IPP: variants seen among roughly 807,000 people sequenced by gnomAD.
IPP encodes the protein actin-binding protein IPP.
IPP carries 41 observed loss-of-function variants against 64.1 expected under a neutral mutation model. The ratio of observed to expected loss-of-function variants is 0.64; its 90% CI spans 0.50 to 0.83. The LOEUF (loss-of-function observed/expected upper bound fraction) is 0.83, where lower values mean the gene tolerates loss of function less well. IPP is among the 40% of genes least tolerant of loss of function. The probability of loss-of-function intolerance (pLI) is 0.00; values close to 1 mark genes in which losing one functional copy is unlikely to be tolerated. For synonymous variants in IPP, 214 were observed against 235.2 expected (o/e 0.91, Z 0.83); for missense variants, 649 against 703.0 (o/e 0.92, Z 0.87).
Position 45,698,892 on chromosome 1 carries a change from T to A in IPP, c.*1074A>T. On this transcript the variant is annotated 3_prime_UTR_variant, in exon 9 of 9. Coordinates refer to ENST00000396478, the MANE Select transcript of IPP (RefSeq NM_005897.3). ...AGCCACAACGCCCGGCTAATTTTTA[T>A]ATATTTTTTGGTAGAGACGGAGTCT... 1 of 332,766 alleles carries A rather than the reference T, an allele frequency of 3.0e-6. No individual in the cohort carries two copies. Among genetic ancestry groups the A allele is most frequent in the African/African-American group, 2.2e-5 (1 of 44,730 alleles). The allele number at this position is 332,766 out of a possible 1,614,324, so 20.6% of individuals were successfully genotyped here. A position where few individuals can be genotyped will look rare whatever the true frequency, so the allele number is the denominator to read the frequency against.
intron 1 of IPP, among the ~76,000 whole-genome samples, chr1:45,749,368 A>G (rs1646185002): frequency 6.6e-6 from 1 of 152,194 alleles, no homozygotes; most frequent in Non-Finnish European, 1.5e-5. Flanking sequence ...AAAGAGCACA[A>G]TTCTGTGACG....
chr1:45,698,992 G>T lies in IPP; in HGVS notation c.*974C>A. On this transcript the variant is annotated 3_prime_UTR_variant, in exon 9 of 9. Coordinates refer to ENST00000396478, the MANE Select transcript of IPP (RefSeq NM_005897.3). ...CCGTCTCACCTCGGCCTCTCAAAGT[G>T]CTGGGATTACAGGTGTGAGCCACCA... 2.1e-6 allele frequency: 2 copies of T among 960,234 alleles called. No individual in the cohort carries two copies. Among genetic ancestry groups the T allele is most frequent in the Non-Finnish European group, 2.5e-6 (2 of 806,926 alleles). The allele number at this position is 960,234 out of a possible 1,614,324, so 59.5% of individuals were successfully genotyped here. A position where few individuals can be genotyped will look rare whatever the true frequency, so the allele number is the denominator to read the frequency against.
In IPP at chr1:45,739,868, T is replaced by G. The variant is rs28683093; in HGVS notation, c.724+1033A>C. Among the ~76,000 whole-genome samples the G allele has an allele frequency of 6.2e-3, 923 of 149,496 alleles. 10 individuals carry two copies. The highest frequency in any genetic ancestry group is 0.021 in the African/African-American group (858 of 40,488). On this transcript the variant is annotated intron_variant, in intron 3 of 8. Transcript: ENST00000396478. ...ATTGATCATTCTTGGGTGTTTCTCG[T>G]AGAGGGGGATTTGGCAGGGTCATAG...
intron 2 of IPP, 52 bp downstream of exon 2, chr1:45,746,068 C>A: frequency 7.0e-7 from 1 of 1,428,638 alleles, no homozygotes; most frequent in Non-Finnish European, 9.8e-7. Context: ...CACATTAGTG[C>A]ATGAGTGATT....
intron 6 of IPP, among the ~76,000 whole-genome samples, chr1:45,718,717 G>T (rs1391749628): frequency 6.6e-6 from 1 of 152,136 alleles, no homozygotes; most frequent in Non-Finnish European, 1.5e-5. Flanking sequence ...AAAGTCATCA[G>T]AACCCAATAA....
downstream of IPP, chr1:45,694,706 A>C (rs1411982226): frequency 1.9e-6 from 1 of 519,146 alleles, no homozygotes; most frequent in Non-Finnish European, 3.4e-6. Context: ...TCCAGTTTTT[A>C]TTAGGATATT....
At position 45,700,099 on chromosome 1, in the gene IPP, C is replaced by G; in HGVS notation, c.1622G>C (p.Arg541Pro). The G allele has an allele frequency of 6.2e-7, 1 of 1,614,004 alleles. No individual in the cohort carries two copies. The highest frequency in any genetic ancestry group is 8.5e-7 in the Non-Finnish European group (1 of 1,180,008). Residue 541 changes from arginine (R) to proline (P), a missense_variant, in exon 9 of 9, where the codon CGA becomes CCA. Coordinates refer to ENST00000396478, the MANE Select transcript of IPP (RefSeq NM_005897.3). ...AGCCAAAAAATCATGGCTGGAAGATCGACCTCCAGAAACATACAGAAGACC... is the reference window on the plus strand; with the variant it reads ...AGCCAAAAAATCATGGCTGGAAGATGGACCTCCAGAAACATACAGAAGACC... ...VNGLLYVSGG[R>P]SSSHDFLAPG...
Position 45,699,572 on chromosome 1 carries a change from G to C in IPP, c.*394C>G, listed in dbSNP as rs753585169. 4.5e-5 allele frequency: 45 copies of C among 992,328 alleles called. No homozygotes were observed. Among genetic ancestry groups the C allele is most frequent in the Non-Finnish European group, 5.4e-5 (45 of 833,662 alleles). 61.5% of individuals were successfully genotyped at this position (992,328 alleles called of 1,614,324 possible). A position where few individuals can be genotyped will look rare whatever the true frequency, so the allele number is the denominator to read the frequency against. ...AGCATAAATGGCATTTCTATTATTA[G>C]TAAACCTGGCAAATCTGTGTGAGCT... On this transcript the variant is annotated 3_prime_UTR_variant, in exon 9 of 9. Coordinates refer to ENST00000396478, the MANE Select transcript of IPP (RefSeq NM_005897.3).
rs766396830 is a variant in IPP, at chr1:45,719,288, A to C, written c.1101T>G (p.Thr367=). 1.2e-6 allele frequency: 2 copies of C among 1,612,040 alleles called. No homozygotes were observed. The highest frequency in any genetic ancestry group is 1.7e-6 in the Non-Finnish European group (2 of 1,178,370). ...FDCTECYDPV[T]KQWTTVASMN... Reference sequence around the variant, plus strand: ...TCGAAGCTACAGTTGTCCACTGTTTAGTAACTGGATCATAGCATTCAGTAC... The same window carrying C: ...TCGAAGCTACAGTTGTCCACTGTTTCGTAACTGGATCATAGCATTCAGTAC... Residue 367 remains threonine, a synonymous_variant, in exon 6 of 9, where the codon ACT becomes ACG. Transcript: ENST00000396478.
At chr1:45,739,892 A>G (rs1319965045) in intron 3 of IPP, among the ~76,000 whole-genome samples, 1 of 150,218 alleles carries the variant, frequency 6.7e-6, no homozygotes, top group African/African-American at 2.5e-5. Flanking sequence ...GCAGGGTCAT[A>G]GGACAATAGT....
chr1:45,716,920 G>A lies in IPP; in HGVS notation c.1284C>T (p.Tyr428=), dbSNP rs369194546. 28 of 1,613,016 alleles carry A rather than the reference G, an allele frequency of 1.7e-5. No homozygotes were observed. In the African/African-American group the frequency reaches 2.5e-4, roughly 15 times the overall value. The change falls in exon 7 of 9, where the codon TAC becomes TAT. Residue 428 remains tyrosine, a synonymous_variant. Transcript: ENST00000396478. ...EVVGNMAVSR[Y]YFGCCEMQGL... is the part of the protein sequence containing the mutation. ...CTTGCATTTCACAGCACCCAAAGTAGTAGCGTGACACAGCCATGTTACCAA... is the reference window on the plus strand; with the variant it reads ...CTTGCATTTCACAGCACCCAAAGTAATAGCGTGACACAGCCATGTTACCAA...
Position 45,704,462 on chromosome 1 carries a change from T to C in IPP, c.1531-4272A>G, listed in dbSNP as rs1010032727. ...CATGTTGGCCAAGCTGGTCTTGAACTCCTGACCTAGCAATCCACCCGCCTC... is the reference window on the plus strand; with the variant it reads ...CATGTTGGCCAAGCTGGTCTTGAACCCCTGACCTAGCAATCCACCCGCCTC... On this transcript the variant is annotated intron_variant, in intron 8 of 8. Coordinates refer to ENST00000396478, the MANE Select transcript of IPP (RefSeq NM_005897.3). 1.1e-4 allele frequency among the ~76,000 whole-genome samples: 16 copies of C among 152,104 alleles called. 1 individual carries two copies. Among genetic ancestry groups the C allele is most frequent in the Admixed American group, 7.2e-4 (11 of 15,260 alleles).
At chr1:45,750,367 A>T (rs1646205119) in intron 1 of IPP, among the ~76,000 whole-genome samples, 1 of 152,200 alleles carries the variant, frequency 6.6e-6, no homozygotes, top group African/African-American at 2.4e-5. Flanking sequence ...CAGCCTCAGG[A>T]TTCCCCAGTT....
intron 3 of IPP, among the ~76,000 whole-genome samples, chr1:45,734,169 C>T (rs1257157078): frequency 6.6e-6 from 1 of 151,910 alleles, no homozygotes; most frequent in South Asian, 2.1e-4. Context: ...AATAAAAATG[C>T]TAATTACCTA....
At chr1:45,733,419 C>A (rs1382910420) in intron 3 of IPP, among the ~76,000 whole-genome samples, 1 of 149,028 alleles carries the variant, frequency 6.7e-6, no homozygotes, top group East Asian at 2.0e-4. Context: ...AGTAAGACTT[C>A]ATCTCAAAAA....
intron 2 of IPP, among the ~76,000 whole-genome samples, chr1:45,744,743 G>A (rs1646112319): frequency 6.6e-6 from 1 of 151,692 alleles, no homozygotes; most frequent in African/African-American, 2.4e-5. Flanking sequence ...GGAGGCTGAG[G>A]CAGGAGAATC....
rs762833850 is a variant in IPP, at chr1:45,741,170, T to C, written c.455A>G (p.His152Arg). ...IFQFSEQIAC[H>R]DLLEFSENYI... ...GTTTTCTGAGAATTCCAAGAGATCA[T>C]GGCAGGCAATTTGCTCAGAGAACTG... Residue 152 changes from histidine to arginine, a missense_variant, in exon 3 of 9, where the codon CAT becomes CGT. Transcript: ENST00000396478. 5.6e-6 allele frequency: 9 copies of C among 1,614,198 alleles called. No individual in the cohort carries two copies. The highest frequency in any genetic ancestry group is 3.3e-5 in the Admixed American group (2 of 60,026).
chr1:45,722,284 G>A (rs989254380), intron 5 of IPP, among the ~76,000 whole-genome samples: 1 of 151,144 alleles, frequency 6.6e-6, no homozygotes, highest in African/African-American at 2.4e-5. Context: ...CAGGGTGGTG[G>A]CTCACCCTGT....
At chr1:45,741,723 G>A (rs1471612423) in intron 2 of IPP, among the ~76,000 whole-genome samples, 1 of 81,380 alleles carries the variant, frequency 1.2e-5, no homozygotes, top group Non-Finnish European at 2.8e-5. Flanking sequence ...CCGCCTCCCA[G>A]GTTCACGCCA....
Sources: gnomAD v4.1 joint callset for allele counts (sites outside exome capture counted in the v4.1 genomes callset) on GRCh38, gnomAD v4.1.1 for gene constraint, MANE v1.5 for transcripts, NCBI Gene and HGNC (gene_info 2026-07-23, HGNC 2026-07-21) for gene names.